Variants in DNER observed in about 807,000 individuals in gnomAD.
DNER encodes the protein delta and Notch-like epidermal growth factor-related receptor.
Under a neutral mutation model 78.2 loss-of-function variants are expected in DNER, and 33 were observed. That is an observed-to-expected ratio of 0.42 (90% CI 0.32 to 0.56). The LOEUF (loss-of-function observed/expected upper bound fraction) is 0.56. Ranked by LOEUF, DNER falls within the 20% of genes least tolerant of loss-of-function variation. The pLI, the probability that DNER is intolerant of heterozygous loss-of-function variation, is 0.11. For missense variants in DNER, 918 were observed against 975.3 expected (o/e 0.94, Z 0.78); for synonymous variants, 417 against 384.8 (o/e 1.08, Z -0.98).
At chr2:229,542,679 C>T (rs1044829679) in intron 5 of DNER, among the ~76,000 whole-genome samples, 1 of 148,412 alleles carries the variant, frequency 6.7e-6, no homozygotes, top group Admixed American at 6.9e-5. Flanking sequence ...AAGAAAAAAA[C>T]GTGATGACAA....
At chr2:229,395,776 T>C (rs1310621873) in intron 10 of DNER, among the ~76,000 whole-genome samples, 1 of 152,138 alleles carries the variant, frequency 6.6e-6, no homozygotes, top group Non-Finnish European at 1.5e-5. Context: ...GGCACACCTG[T>C]AATCCCAGTT....
intron 11 of DNER, among the ~76,000 whole-genome samples, chr2:229,381,927 G>A (rs1264074228): frequency 6.6e-6 from 1 of 152,242 alleles, no homozygotes; most frequent in African/African-American, 2.4e-5. Flanking sequence ...CTTGAGCTCT[G>A]TTAAAGGACA....
At chr2:229,639,695 G>C (rs1050451476) in intron 1 of DNER, among the ~76,000 whole-genome samples, 1 of 152,124 alleles carries the variant, frequency 6.6e-6, no homozygotes, top group Admixed American at 6.5e-5. Flanking sequence ...AAATAGCTAA[G>C]AGCAATGCTC....
intron 6 of DNER, among the ~76,000 whole-genome samples, chr2:229,490,311 G>A (rs780768690): frequency 8.5e-5 from 13 of 152,148 alleles, no homozygotes; most frequent in Non-Finnish European, 1.5e-4. Context: ...ATTCACAATA[G>A]CCAAAAGATG....
At chr2:229,492,387 T>C (rs1204680496) in intron 6 of DNER, among the ~76,000 whole-genome samples, 2 of 152,158 alleles carry the variant, frequency 1.3e-5, no homozygotes, top group Admixed American at 1.3e-4. Flanking sequence ...AAGGGATGAA[T>C]GACACAGGGG....
chr2:229,546,808 G>C lies in DNER; in HGVS notation c.993+139C>G. 4.1e-6 allele frequency: 5 copies of C among 1,212,652 alleles called. No homozygotes were observed. The South Asian group carries it at 5.8e-5, about 14-fold the overall frequency. 75.1% of individuals were successfully genotyped at this position (1,212,652 alleles called of 1,614,324 possible). A position where few individuals can be genotyped will look rare whatever the true frequency, so the allele number is the denominator to read the frequency against. ...AGACAGATAGATAGATAGATAGACA[G>C]ACAGACAGACAGACAGACAGACAGA... On this transcript the variant is annotated intron_variant, in intron 5 of 12. Coordinates refer to ENST00000341772, the MANE Select transcript of DNER (RefSeq NM_139072.4).
intron 10 of DNER, among the ~76,000 whole-genome samples, chr2:229,405,843 T>C (rs10164537): frequency 0.15 from 23,235 of 152,160 alleles, 2,349 homozygotes; most frequent in East Asian, 0.49. Context: ...ATTTTCTAAT[T>C]TTCCTTCTAT....
chr2:229,577,334 G>A (rs145845020), intron 4 of DNER, among the ~76,000 whole-genome samples: 5 of 152,336 alleles, frequency 3.3e-5, no homozygotes, highest in African/African-American at 1.2e-4. Context: ...CTGACATTAT[G>A]AGAATGAAAG....
chr2:229,483,198 C>T (rs1463630814), intron 6 of DNER, among the ~76,000 whole-genome samples: 1 of 152,190 alleles, frequency 6.6e-6, no homozygotes, highest in East Asian at 1.9e-4. Context: ...AAAAACCTCC[C>T]TCCCAGAAAC....
At chr2:229,549,305 C>T (rs1210812345) in intron 4 of DNER, among the ~76,000 whole-genome samples, 4 of 152,062 alleles carry the variant, frequency 2.6e-5, no homozygotes, top group Non-Finnish European at 1.5e-5. Context: ...TATTCATTTC[C>T]ATACTTTTAT....
chr2:229,614,210 T>C (rs1169097746), intron 1 of DNER, among the ~76,000 whole-genome samples: 1 of 151,256 alleles, frequency 6.6e-6, no homozygotes, highest in Non-Finnish European at 1.5e-5. Context: ...ATAATAATAA[T>C]AAAATAAAAA....
At chr2:229,454,199 T>C (rs7594132) in intron 7 of DNER, among the ~76,000 whole-genome samples, 10,677 of 152,264 alleles carry the variant, frequency 0.07, 1,118 homozygotes, top group African/African-American at 0.23. Flanking sequence ...ATGAGCTAAA[T>C]GAGTGGCTGC....
chr2:229,650,634 G>A (rs1259003468), intron 1 of DNER, among the ~76,000 whole-genome samples: 1 of 151,944 alleles, frequency 6.6e-6, no homozygotes, highest in Non-Finnish European at 1.5e-5. Context: ...CACCCCAAGG[G>A]CCCCTACACA....
rs542585363 is a variant in DNER, at chr2:229,429,316, C to T, written c.1487-11086G>A. Among the ~76,000 whole-genome samples the T allele has an allele frequency of 1.6e-4, 24 of 152,330 alleles. No individual in the cohort carries two copies. In the South Asian group the frequency reaches 4.8e-3, roughly 30 times the overall value. On this transcript the variant is annotated intron_variant, in intron 8 of 12. Transcript: ENST00000341772. ...TTCTAGATGGGGAGCACTGGACCAT[C>T]AGGCATACAGTTGCAGCTCAGTGCC... is the stretch of plus-strand genomic sequence containing the variant.
At chr2:229,644,845 G>T (rs1387984209) in intron 1 of DNER, among the ~76,000 whole-genome samples, 1 of 152,146 alleles carries the variant, frequency 6.6e-6, no homozygotes, top group Non-Finnish European at 1.5e-5. Flanking sequence ...TCACAACACT[G>T]CACAACCCAT....
intron 6 of DNER, among the ~76,000 whole-genome samples, chr2:229,481,176 C>T (rs1021403404): frequency 4.6e-5 from 7 of 152,146 alleles, no homozygotes; most frequent in Admixed American, 1.3e-4. Context: ...TTGCTTGGTG[C>T]GAGCGTTTCC....
rs995451493 is a variant in DNER at position 229,489,302 on chromosome 2, A to G, written c.1148-12049T>C. On this transcript the variant is annotated intron_variant, in intron 6 of 12. Coordinates refer to ENST00000341772, the MANE Select transcript of DNER (RefSeq NM_139072.4). ...GGGCAGATGGAGAGTCATCATAAAT[A>G]AAGGAAACTTGGTGGCACTCCAAAG... Among the ~76,000 whole-genome samples, 13 of 152,316 alleles carry G rather than the reference A, an allele frequency of 8.5e-5. No individual in the cohort carries two copies. In the East Asian group the frequency reaches 1.4e-3, roughly 16 times the overall value.
chr2:229,700,237 A>G (rs1699721795), intron 1 of DNER, among the ~76,000 whole-genome samples: 1 of 151,682 alleles, frequency 6.6e-6, no homozygotes, highest in Non-Finnish European at 1.5e-5. Context: ...ATGGCAACTT[A>G]GCAGTATTTA....
intron 8 of DNER, among the ~76,000 whole-genome samples, chr2:229,421,920 A>G (rs1389429443): frequency 3.3e-5 from 5 of 152,292 alleles, no homozygotes; most frequent in Admixed American, 6.5e-5. Context: ...AAAATCAAAC[A>G]AGCAAGTTTT....
Sources: gnomAD v4.1 joint callset for allele counts (sites outside exome capture counted in the v4.1 genomes callset) on GRCh38, gnomAD v4.1.1 for gene constraint, MANE v1.5 for transcripts, NCBI Gene and HGNC (gene_info 2026-07-23, HGNC 2026-07-21) for gene names.